EMSY: variants seen among roughly 807,000 people sequenced by gnomAD.
EMSY encodes BRCA2-interacting transcriptional repressor EMSY.
In EMSY, 26 loss-of-function variants were observed where a neutral mutation model predicts 134.6. The observed-to-expected ratio is 0.19, with a 90% CI of 0.14 to 0.27. The LOEUF (loss-of-function observed/expected upper bound fraction) is 0.27. Ranked by LOEUF, EMSY falls within the 10% of genes least tolerant of loss-of-function variation. The pLI, the probability that EMSY is intolerant of heterozygous loss-of-function variation, is 1.00. For missense variants in EMSY, 1,305 were observed against 1,611.4 expected, an observed-to-expected ratio of 0.81 and a Z score of 3.26; for synonymous variants, 579 against 577.8, an observed-to-expected ratio of 1.00 and a Z score of -0.03.
intron 1 of EMSY, among the ~76,000 whole-genome samples, chr11:76,446,335 G>GTA (rs1565263091): frequency 2.3e-4 from 12 of 53,086 alleles, no homozygotes; most frequent in South Asian, 1.4e-3. Context: ...ATATATATAT[G>GTA]TATATATATA....
intron 9 of EMSY, among the ~76,000 whole-genome samples, chr11:76,512,829 A>G (rs1319591910): frequency 1.3e-5 from 2 of 152,034 alleles, no homozygotes; most frequent in Non-Finnish European, 1.5e-5. Context: ...GTAGAATAAT[A>G]ATGTATCTTT....
chr11:76,478,340 A>ATTTT (rs371584435), intron 8 of EMSY, among the ~76,000 whole-genome samples: 4 of 122,546 alleles, frequency 3.3e-5, no homozygotes, highest in Non-Finnish European at 5.1e-5. Flanking sequence ...CATGTGAATA[A>ATTTT]TTTTTTTTTT....
intron 16 of EMSY, among the ~76,000 whole-genome samples, chr11:76,539,227 G>A (rs1017971516): frequency 6.6e-6 from 1 of 152,120 alleles, no homozygotes; most frequent in Non-Finnish European, 1.5e-5. Flanking sequence ...AATAATTAAA[G>A]GGTTTAAGAG....
Position 76,528,255 on chromosome 11 carries a change from G to C in EMSY, c.1996-13G>C. On this transcript the variant is annotated splice_polypyrimidine_tract_variant and intron_variant, in intron 13 of 20. Transcript: ENST00000334736. Reference sequence around the variant, plus strand: ...TAAAATTTTATCTCAGTATATTTCTGCTTTTCTCCTAGGTTCTTATTAAAC... The same window carrying C: ...TAAAATTTTATCTCAGTATATTTCTCCTTTTCTCCTAGGTTCTTATTAAAC... 1 of 1,608,538 alleles carries C rather than the reference G, an allele frequency of 6.2e-7. No individual in the cohort carries two copies. The highest frequency in any genetic ancestry group is 8.5e-7 in the Non-Finnish European group (1 of 1,176,482).
chr11:76,461,844 ATC>A (rs1948132073), intron 6 of EMSY, among the ~76,000 whole-genome samples: 1 of 152,048 alleles, frequency 6.6e-6, no homozygotes, highest in Non-Finnish European at 1.5e-5. Flanking sequence ...AGACAGGAGA[ATC>A]ACTTGAACCT....
chr11:76,539,188 T>C (rs1191737914), intron 16 of EMSY, among the ~76,000 whole-genome samples: 1 of 152,146 alleles, frequency 6.6e-6, no homozygotes, highest in African/African-American at 2.4e-5. Flanking sequence ...TACTTTGAAA[T>C]TTGAAATAGT....
chr11:76,502,005 CAATG>C (rs1416183162), intron 9 of EMSY, among the ~76,000 whole-genome samples: 6 of 111,374 alleles, frequency 5.4e-5, no homozygotes, highest in Non-Finnish European at 8.9e-5. Flanking sequence ...CCAGTGGAAA[CAATG>C]AAGCCAGCAG....
At chr11:76,549,050 T>C (rs537602970) in intron 20 of EMSY, among the ~76,000 whole-genome samples, 1 of 152,292 alleles carries the variant, frequency 6.6e-6, no homozygotes, top group African/African-American at 2.4e-5. Flanking sequence ...ATAAATGCAA[T>C]GAACAAAAAT....
At chr11:76,518,703 A>ATATATATATAT (rs57143914) in intron 11 of EMSY, among the ~76,000 whole-genome samples, 198 of 130,170 alleles carry the variant, frequency 1.5e-3, no homozygotes, top group South Asian at 2.4e-3. Context: ...ATATATATAT[A>ATATATATATAT]TTTTTTTTTT....
rs117582887 is a variant in EMSY, at chr11:76,508,187, A to G, written c.1364-5199A>G. ...CACCCAGCCTAAAATTTATTTCTTAATAAGACCTGAAAGTTGAAATTATTC... is the reference window on the plus strand; with the variant it reads ...CACCCAGCCTAAAATTTATTTCTTAGTAAGACCTGAAAGTTGAAATTATTC... On this transcript the variant is annotated intron_variant, in intron 9 of 20. Coordinates refer to ENST00000334736, the Ensembl canonical transcript of EMSY. 6.6e-3 allele frequency among the ~76,000 whole-genome samples: 1,005 copies of G among 152,276 alleles called. 9 individuals carry two copies. The highest frequency in any genetic ancestry group is 0.011 in the Non-Finnish European group (774 of 68,018).
intron 7 of EMSY, among the ~76,000 whole-genome samples, chr11:76,464,753 G>T (rs1453052581): frequency 6.6e-6 from 1 of 152,130 alleles, no homozygotes; most frequent in Non-Finnish European, 1.5e-5. Flanking sequence ...ATATCCTCCA[G>T]TAGCTACCTG....
At position 76,539,526 on chromosome 11, in the gene EMSY, TG is replaced by T. The variant is rs1057147202; in HGVS notation, c.2516-68del. ...TATTCTGGGGAACATAAATAACCTC[TG>T]GGGGTAGACTAGATTCTTGCATGGT... On this transcript the variant is annotated intron_variant, in intron 16 of 20. Coordinates refer to ENST00000334736, the Ensembl canonical transcript of EMSY. The T allele has an allele frequency of 5.4e-6, 8 of 1,468,654 alleles. No homozygotes were observed. In the African/African-American group the frequency reaches 7.0e-5, roughly 13 times the overall value. 91.0% of individuals were successfully genotyped at this position (1,468,654 alleles called of 1,614,324 possible). A position where few individuals can be genotyped will look rare whatever the true frequency, so the allele number is the denominator to read the frequency against.
At chr11:76,521,989 A>G (rs1305475663) in intron 11 of EMSY, among the ~76,000 whole-genome samples, 11 of 152,078 alleles carry the variant, frequency 7.2e-5, no homozygotes. Context: ...GCTCCACTCC[A>G]CTCCCGTCTG....
intron 3 of EMSY, among the ~76,000 whole-genome samples, chr11:76,453,062 T>G (rs1409311674): frequency 6.6e-6 from 1 of 152,198 alleles, no homozygotes. Flanking sequence ...TACCTTGATA[T>G]CAGGCTGAAT....
intron 8 of EMSY, among the ~76,000 whole-genome samples, chr11:76,491,164 C>A (rs1949406313): frequency 6.8e-6 from 1 of 146,044 alleles, no homozygotes; most frequent in South Asian, 2.2e-4. Context: ...CAGCTGATTT[C>A]TTCTTCTTTT....
chr11:76,544,738 C>A (rs759556172), exon 19 of EMSY: 11 of 1,614,154 alleles, frequency 6.8e-6, no homozygotes, highest in Non-Finnish European at 9.3e-6. Context: ...AGGCTCCGAA[C>A]CAACCAAAAA....
In EMSY at chr11:76,544,668, C is replaced by G. The variant is rs1394778015; in HGVS notation, c.3119C>G (p.Pro1040Arg). The change falls in exon 19 of 21, where the codon CCG becomes CGG. Residue 1040 changes from proline (P) to arginine (R), a missense_variant. By Grantham distance (103) the Pro-to-Arg change is moderately radical (BLOSUM62 -2). Transcript: ENST00000334736. ...CTTCCTACCTTAATGGCACAGCCCC[C>G]GCAAACTGTAGTACAGGTGCTTGCA... is the stretch of plus-strand genomic sequence containing the variant. 5 of 1,614,140 alleles carry G rather than the reference C, an allele frequency of 3.1e-6. No individual in the cohort carries two copies. In the South Asian group the frequency reaches 4.4e-5, roughly 14 times the overall value.
At chr11:76,448,323 G>T (rs1281860355) in intron 2 of EMSY, among the ~76,000 whole-genome samples, 1 of 151,624 alleles carries the variant, frequency 6.6e-6, no homozygotes, top group Non-Finnish European at 1.5e-5. Context: ...TGTGGGGGAT[G>T]TCAATCTTTT....
Position 76,470,521 on chromosome 11 carries a change from A to G in EMSY, c.832-2043A>G, listed in dbSNP as rs577572206. The stretch of plus-strand genomic sequence containing the variant: ...CCATTTTCATTCATCAACAAATCCT[A>G]TTCTCTCTACTTTTCAAAATAATCT... On this transcript the variant is annotated intron_variant, in intron 7 of 20. Transcript: ENST00000334736. 2.6e-5 allele frequency among the ~76,000 whole-genome samples: 4 copies of G among 152,118 alleles called. No homozygotes were observed. In the South Asian group the frequency reaches 8.3e-4, roughly 32 times the overall value.
Sources: gnomAD v4.1 joint callset for allele counts (sites outside exome capture counted in the v4.1 genomes callset) on GRCh38, gnomAD v4.1.1 for gene constraint, MANE v1.5 for transcripts, NCBI Gene and HGNC (gene_info 2026-07-23, HGNC 2026-07-21) for gene names.